The following ASTN2 variants were observed in gnomAD, a reference collection of about 807,000 sequenced individuals.
ASTN2 encodes the protein astrotactin-2.
Under a neutral mutation model 139.8 loss-of-function variants are expected in ASTN2, and 54 were observed. The ratio of observed to expected loss-of-function variants is 0.39; its 90% CI spans 0.31 to 0.48. ASTN2 has a LOEUF of 0.48. ASTN2 is among the 20% of genes least tolerant of loss of function. The pLI, the probability that ASTN2 is intolerant of heterozygous loss-of-function variation, is 0.95. For missense variants in ASTN2, 1,565 were observed against 1,725.1 expected (o/e 0.91, Z 1.64); for synonymous variants, 756 against 719.5 (o/e 1.05, Z -0.81).
chr9:116,629,744 G>C (rs1174548365), intron 17 of ASTN2, among the ~76,000 whole-genome samples: 1 of 152,172 alleles, frequency 6.6e-6, no homozygotes, highest in East Asian at 1.9e-4. Context: ...TGAATGATGA[G>C]AGCCCGACAG....
In ASTN2 at chr9:116,697,545, AGTT is replaced by A. The variant is rs1446400079; in HGVS notation, c.2806+28223_2806+28225del. Reference sequence around the variant, plus strand: ...GACATATAATAGACCTCAATAAAATAGTTGTTAAGTAAGGGAATGACTGAATGA... The same window carrying A: ...GACATATAATAGACCTCAATAAAATAGTTAAGTAAGGGAATGACTGAATGA... On this transcript the variant is annotated intron_variant, in intron 16 of 22. Coordinates refer to ENST00000313400, the MANE Select transcript of ASTN2 (RefSeq NM_001365068.1). 5 of 672,368 alleles carry A rather than the reference AGTT, an allele frequency of 7.4e-6. No homozygotes were observed. The Admixed American group carries it at 1.1e-4, about 15-fold the overall frequency. 41.7% of individuals were successfully genotyped at this position (672,368 alleles called of 1,614,324 possible).
At chr9:117,229,198 C>A (rs867608617) in intron 2 of ASTN2, among the ~76,000 whole-genome samples, 8 of 152,262 alleles carry the variant, frequency 5.3e-5, no homozygotes, top group Middle Eastern at 3.4e-3. Context: ...ATCTGGTAGA[C>A]CATGCTTTCT....
At chr9:116,941,989 T>TA (rs34288493) in intron 10 of ASTN2, among the ~76,000 whole-genome samples, 80,751 of 135,948 alleles carry the variant, frequency 0.59, 27,404 homozygotes, top group Non-Finnish European at 0.75. Context: ...CTAGATAAGC[T>TA]AAAAAAAAAA....
At chr9:117,127,786 T>C (rs1271831543) in intron 4 of ASTN2, among the ~76,000 whole-genome samples, 1 of 144,472 alleles carries the variant, frequency 6.9e-6, no homozygotes, top group African/African-American at 2.5e-5. Flanking sequence ...GTTCACGCCA[T>C]TCTCCTGCTT....
In ASTN2 at chr9:117,280,531, C is replaced by A. The variant is rs370629912; in HGVS notation, c.630+10795G>T. Among the ~76,000 whole-genome samples, 5 of 152,128 alleles carry A rather than the reference C, an allele frequency of 3.3e-5. No homozygotes were observed. In the South Asian group the frequency reaches 1.0e-3, roughly 32 times the overall value. On this transcript the variant is annotated intron_variant, in intron 2 of 22. Coordinates refer to ENST00000313400, the MANE Select transcript of ASTN2 (RefSeq NM_001365068.1). Reference sequence around the variant, plus strand: ...GACACAGGAGAATGTAGTATGGAGGCGGACGTAGAAATTAGCGTTCAATAG... The same window carrying A: ...GACACAGGAGAATGTAGTATGGAGGAGGACGTAGAAATTAGCGTTCAATAG...
intron 10 of ASTN2, among the ~76,000 whole-genome samples, chr9:116,869,820 A>G (rs940670391): frequency 2.0e-5 from 3 of 152,218 alleles, no homozygotes; most frequent in Non-Finnish European, 4.4e-5. Context: ...AACCTGTATT[A>G]AAGATGGGTG....
In ASTN2 at chr9:116,623,027, A is replaced by G. The variant is rs1434895172; in HGVS notation, c.3073-2584T>C. ...TACTGATGGCTTAAAATTCTGTAAC[A>G]TCTCCAGCCAACACTGAAGGCTTAA... On this transcript the variant is annotated intron_variant, in intron 17 of 22. Transcript: ENST00000313400. Among the ~76,000 whole-genome samples, 11 of 152,248 alleles carry G rather than the reference A, an allele frequency of 7.2e-5. No individual in the cohort carries two copies. In the South Asian group the frequency reaches 2.1e-3, roughly 29 times the overall value.
chr9:117,326,652 G>T (rs916547267), intron 1 of ASTN2, among the ~76,000 whole-genome samples: 1 of 152,156 alleles, frequency 6.6e-6, no homozygotes, highest in South Asian at 2.1e-4. Context: ...TTAGAGGATT[G>T]AAATTGGGGA....
At chr9:116,507,831 C>A (rs896981222) in intron 19 of ASTN2, among the ~76,000 whole-genome samples, 7 of 152,140 alleles carry the variant, frequency 4.6e-5, no homozygotes, top group African/African-American at 7.2e-5. Flanking sequence ...TTTACAGGGA[C>A]CTCATTAGCT....
chr9:116,503,179 A>G (rs1222408973), intron 19 of ASTN2, among the ~76,000 whole-genome samples: 1 of 151,016 alleles, frequency 6.6e-6, no homozygotes, highest in Non-Finnish European at 1.5e-5. Context: ...AAGAAGGAAG[A>G]AGGAGGGAGG....
rs958302542 is a variant in ASTN2 at position 117,258,056 on chromosome 9, G to A, written c.630+33270C>T. Among the ~76,000 whole-genome samples, 24 of 152,340 alleles carry A rather than the reference G, an allele frequency of 1.6e-4. No homozygotes were observed. In the East Asian group the frequency reaches 1.9e-3, roughly 12 times the overall value. On this transcript the variant is annotated intron_variant, in intron 2 of 22. Coordinates refer to ENST00000313400, the MANE Select transcript of ASTN2 (RefSeq NM_001365068.1). Reference sequence around the variant, plus strand: ...AGGCCAGTAAAAAGAAGAGTAGGGAGTGGTTTAGTCTCTCCATTGGAAGGA... The same window carrying A: ...AGGCCAGTAAAAAGAAGAGTAGGGAATGGTTTAGTCTCTCCATTGGAAGGA...
In ASTN2 at chr9:116,531,936, A is replaced by G. The variant is rs557402080; in HGVS notation, c.3356-44436T>C. Among the ~76,000 whole-genome samples the G allele has an allele frequency of 5.8e-3, 887 of 152,298 alleles. 4 individuals are homozygous for G. The highest frequency in any genetic ancestry group is 0.017 in the Middle Eastern group (5 of 294). ...TCTAGTTCTAGATCCTTGAGGAATC[A>G]CCACACTGTCTTCCACAATGGTTCA... On this transcript the variant is annotated intron_variant, in intron 19 of 22. Coordinates refer to ENST00000313400, the MANE Select transcript of ASTN2 (RefSeq NM_001365068.1).
intron 6 of ASTN2, among the ~76,000 whole-genome samples, chr9:117,009,404 A>G (rs1446077211): frequency 5.3e-5 from 8 of 152,176 alleles, no homozygotes; most frequent in African/African-American, 1.9e-4. Flanking sequence ...ATACATACAC[A>G]CACACTTTTT....
chr9:116,993,622 CTATA>C (rs1836922811), intron 7 of ASTN2, among the ~76,000 whole-genome samples: 2 of 147,862 alleles, frequency 1.4e-5, no homozygotes, highest in African/African-American at 2.5e-5. Context: ...TATACAGTAT[CTATA>C]TATAGTAATA....
At chr9:116,685,964 G>GAA (rs892080393) in intron 16 of ASTN2, among the ~76,000 whole-genome samples, 2 of 147,286 alleles carry the variant, frequency 1.4e-5, no homozygotes, top group African/African-American at 2.5e-5. Context: ...TGGTTTTCAG[G>GAA]AAAAAAAAAA....
At chr9:117,191,227 C>CAAAAAA (rs35328157) in intron 3 of ASTN2, among the ~76,000 whole-genome samples, 2 of 62,462 alleles carry the variant, frequency 3.2e-5, no homozygotes, top group Non-Finnish European at 3.4e-5. Context: ...TACAAAATAG[C>CAAAAAA]AAAAAAAAAA....
At chr9:116,620,075 C>A (rs992788395) in intron 18 of ASTN2, among the ~76,000 whole-genome samples, 7 of 152,056 alleles carry the variant, frequency 4.6e-5, no homozygotes, top group African/African-American at 1.4e-4. Flanking sequence ...AAATGATGAA[C>A]TGAGTGGCAT....
Position 116,812,637 on chromosome 9 carries a change from G to A in ASTN2, c.2208-6817C>T, listed in dbSNP as rs541596669. Among the ~76,000 whole-genome samples, 3 of 152,304 alleles carry A rather than the reference G, an allele frequency of 2.0e-5. No homozygotes were observed. In the South Asian group the frequency reaches 6.2e-4, roughly 32 times the overall value. ...ATTCATTACAGAAGCAATAGGAAAT[G>A]TGAGACACTCACAGGGAGGTATTGT... On this transcript the variant is annotated intron_variant, in intron 12 of 22. Transcript: ENST00000313400.
intron 6 of ASTN2, among the ~76,000 whole-genome samples, chr9:117,013,480 ATATATAT>A (rs1295075520): frequency 2.8e-5 from 1 of 35,872 alleles, no homozygotes; most frequent in Non-Finnish European, 9.3e-5. Flanking sequence ...ATATATATAT[ATATATAT>A]TTTTTTTTTT....
Sources: gnomAD v4.1 joint callset for allele counts (sites outside exome capture counted in the v4.1 genomes callset) on GRCh38, gnomAD v4.1.1 for gene constraint, MANE v1.5 for transcripts, NCBI Gene and HGNC (gene_info 2026-07-23, HGNC 2026-07-21) for gene names.